Variants in BLTP3B observed in about 807,000 individuals in gnomAD.
The protein encoded by BLTP3B is bridge-like lipid transfer protein family member 3B, also known as UHRF1 (ICBP90) binding protein 1-like.
chr12:100,045,797 C>A, the BLTP3B span, among the ~76,000 whole-genome samples: 1 of 152,090 alleles, frequency 6.6e-6, no homozygotes, highest in Non-Finnish European at 1.5e-5. Flanking sequence ...AGGCAACCTA[C>A]AGAATGGGAG....
chr12:100,084,799 T>C, the BLTP3B span: 2 of 816,474 alleles, frequency 2.4e-6, no homozygotes, highest in South Asian at 4.0e-5. Flanking sequence ...CACCTACATG[T>C]AATTTCGAAA....
chr12:100,100,986 A>G, the BLTP3B span, among the ~76,000 whole-genome samples: 1 of 152,330 alleles, frequency 6.6e-6, no homozygotes, highest in African/African-American at 2.4e-5. Flanking sequence ...AAAATTATAA[A>G]GCTTATGATA....
the BLTP3B span, among the ~76,000 whole-genome samples, chr12:100,091,809 C>CTTT: frequency 2.2e-3 from 300 of 134,774 alleles, no homozygotes; most frequent in African/African-American, 7.7e-3. Context: ...CTGGCCAAAT[C>CTTT]TTTTTTTTTT....
chr12:100,057,996 T>A, the BLTP3B span: 2 of 1,530,678 alleles, frequency 1.3e-6, no homozygotes, highest in Admixed American at 4.7e-5. Flanking sequence ...CAAAATAAAT[T>A]AATTTTTAAA....
the BLTP3B span, among the ~76,000 whole-genome samples, chr12:100,065,272 G>A: frequency 6.6e-6 from 1 of 151,712 alleles, no homozygotes; most frequent in Non-Finnish European, 1.5e-5. Context: ...TGAAAAACGT[G>A]TGTTTGAACA....
chr12:100,120,451 G>A, the BLTP3B span, among the ~76,000 whole-genome samples: 1 of 152,072 alleles, frequency 6.6e-6, no homozygotes, highest in African/African-American at 2.4e-5. Context: ...AGACACAGAT[G>A]GCAGATAGGC....
At chr12:100,131,375 A>AT in the BLTP3B span, among the ~76,000 whole-genome samples, 2 of 151,410 alleles carry the variant, frequency 1.3e-5, no homozygotes, top group Admixed American at 6.6e-5. Context: ...TATTTAAAAA[A>AT]TTTTTTAAAG....
chr12:100,062,646 C>T, the BLTP3B span, among the ~76,000 whole-genome samples: 1 of 152,110 alleles, frequency 6.6e-6, no homozygotes, highest in South Asian at 2.1e-4. Flanking sequence ...TCCTTTGGTA[C>T]ATGCTAACAA....
chr12:100,130,867 T>C, the BLTP3B span, among the ~76,000 whole-genome samples: 9 of 151,854 alleles, frequency 5.9e-5, no homozygotes, highest in African/African-American at 2.2e-4. Context: ...GAGGTTGCAG[T>C]GAGCTGAGAT....
At chr12:100,088,894 GA>G in the BLTP3B span, 2 of 1,505,996 alleles carry the variant, frequency 1.3e-6, no homozygotes, top group South Asian at 2.8e-5. Context: ...AAAATAGTTT[GA>G]AATAAGCAAG....
chr12:100,069,607 A>G, the BLTP3B span, among the ~76,000 whole-genome samples: 2 of 151,672 alleles, frequency 1.3e-5, no homozygotes. Context: ...TAACTCAGAA[A>G]CAGAAAACTA....
the BLTP3B span, among the ~76,000 whole-genome samples, chr12:100,077,891 C>A: frequency 2.0e-5 from 3 of 152,016 alleles, no homozygotes; most frequent in Non-Finnish European, 4.4e-5. Flanking sequence ...ATTATATTCA[C>A]AGTATAGCCA....
chr12:100,100,727 A>AT, the BLTP3B span, among the ~76,000 whole-genome samples: 16,201 of 144,848 alleles, frequency 0.11, 1,891 homozygotes, highest in East Asian at 0.59. Flanking sequence ...TTCACATTCT[A>AT]TTTTTTTTTT....
the BLTP3B span, among the ~76,000 whole-genome samples, chr12:100,067,323 A>C: frequency 5.3e-4 from 81 of 152,254 alleles, 1 homozygote; most frequent in African/African-American, 1.8e-3. Flanking sequence ...CAGCAGAAGA[A>C]AGGCAATGAC....
the BLTP3B span, among the ~76,000 whole-genome samples, chr12:100,118,015 G>A: frequency 4.9e-4 from 75 of 151,948 alleles, no homozygotes; most frequent in African/African-American, 1.5e-3. Context: ...TATGTGTATC[G>A]ATTTTATAGA....
the BLTP3B span, among the ~76,000 whole-genome samples, chr12:100,134,459 A>G: frequency 6.6e-6 from 1 of 151,402 alleles, no homozygotes; most frequent in African/African-American, 2.4e-5. Flanking sequence ...TAAAAAATGT[A>G]AAAAAAAATT....
chr12:100,092,901 A>T, the BLTP3B span: 54 of 950,628 alleles, frequency 5.7e-5, no homozygotes, highest in Non-Finnish European at 6.3e-5. Context: ...GACTTTTCTT[A>T]CCCTCACCTC....
At chr12:100,047,670 A>G in the BLTP3B span, 1 of 1,437,910 alleles carries the variant, frequency 7.0e-7, no homozygotes, top group South Asian at 1.1e-5. Context: ...TTGACATGTT[A>G]CTTCATTCGG....
At chr12:100,046,534 C>A in the BLTP3B span, among the ~76,000 whole-genome samples, 14 of 143,224 alleles carry the variant, frequency 9.8e-5, no homozygotes, top group Admixed American at 1.1e-3. Context: ...AATGAGAACA[C>A]ATGGCCACAG....
Sources: allele counts gnomAD v4.1 joint callset (sites outside exome capture counted in the v4.1 genomes callset), GRCh38; gene constraint gnomAD v4.1.1; transcripts MANE v1.5; gene names NCBI Gene and HGNC (gene_info 2026-07-23, HGNC 2026-07-21).